AAMDC: variants seen among roughly 807,000 people sequenced by gnomAD.
AAMDC encodes mth938 domain-containing protein.
In AAMDC, 16 loss-of-function variants were observed where a neutral mutation model predicts 15.5. The observed-to-expected ratio is 1.03, with a 90% CI of 0.70 to 1.57. AAMDC has a LOEUF of 1.57. Among genes scored for constraint, AAMDC ranks in the 40% most tolerant of loss-of-function variants. The pLI is 0.00. For missense variants in AAMDC, 141 were observed against 144.9 expected (o/e 0.97, Z 0.14); for synonymous variants, 51 against 51.6 (o/e 0.99, Z 0.05).
At chr11:77,861,102 A>AT (rs1336792392) in intron 2 of AAMDC, among the ~76,000 whole-genome samples, 2 of 152,042 alleles carry the variant, frequency 1.3e-5, no homozygotes, top group African/African-American at 4.8e-5. Flanking sequence ...CAGTATGGGC[A>AT]TTTTTTGCTC....
intron 5 of AAMDC, among the ~76,000 whole-genome samples, chr11:77,887,297 T>C (rs1374468991): frequency 6.6e-6 from 1 of 152,188 alleles, no homozygotes; most frequent in African/African-American, 2.4e-5. Context: ...TAATCCATCA[T>C]ATAAACAGAA....
chr11:77,839,737 C>T (rs986479158), intron 1 of AAMDC, among the ~76,000 whole-genome samples: 3 of 152,098 alleles, frequency 2.0e-5, no homozygotes, highest in African/African-American at 7.2e-5. Flanking sequence ...CTGAACAGCA[C>T]ATGTTCTCAC....
At chr11:77,898,253 T>C (rs1197801471) in intron 5 of AAMDC, among the ~76,000 whole-genome samples, 2 of 152,132 alleles carry the variant, frequency 1.3e-5, no homozygotes, top group Non-Finnish European at 2.9e-5. Context: ...AACCTCTGCC[T>C]CCTGGGTTCA....
chr11:77,887,355 T>A (rs1221979793), intron 5 of AAMDC, among the ~76,000 whole-genome samples: 1 of 152,212 alleles, frequency 6.6e-6, no homozygotes, highest in Non-Finnish European at 1.5e-5. Context: ...AGAAAAGGCC[T>A]TTGACAAAAT....
intron 1 of AAMDC, among the ~76,000 whole-genome samples, chr11:77,837,961 T>G (rs999031053): frequency 3.3e-5 from 5 of 152,188 alleles, no homozygotes; most frequent in Non-Finnish European, 7.3e-5. Flanking sequence ...TAGTTCCAGC[T>G]AGGAACTAGC....
At chr11:77,872,371 A>G, downstream of AAMDC, 1 of 1,544,806 alleles carries the variant, frequency 6.5e-7, no homozygotes. Flanking sequence ...ACTGTCACTC[A>G]CCATTCTCCA....
chr11:77,846,094 G>A (rs1380165259), intron 2 of AAMDC, among the ~76,000 whole-genome samples: 4 of 151,684 alleles, frequency 2.6e-5, no homozygotes, highest in Admixed American at 1.3e-4. Context: ...AGGGTTTGTT[G>A]TTGCTATTTT....
chr11:77,848,505 C>T (rs191163578), intron 2 of AAMDC, among the ~76,000 whole-genome samples: 1 of 151,926 alleles, frequency 6.6e-6, no homozygotes. Context: ...TTACAGGCAC[C>T]CACCACCTCA....
downstream of AAMDC, chr11:77,901,439 G>A (rs750198621): frequency 1.9e-6 from 3 of 1,613,934 alleles, no homozygotes; most frequent in South Asian, 2.2e-5. Flanking sequence ...AGTTCGTGCT[G>A]TTACTATAAG....
At chr11:77,823,033 G>A (rs2136017647) in intron 1 of AAMDC, among the ~76,000 whole-genome samples, 1 of 152,122 alleles carries the variant, frequency 6.6e-6, no homozygotes, top group Admixed American at 6.5e-5. Flanking sequence ...GGCTAACGCG[G>A]TGAAACCCGT....
chr11:77,863,369 C>T (rs965901648), intron 2 of AAMDC, among the ~76,000 whole-genome samples: 4 of 151,994 alleles, frequency 2.6e-5, no homozygotes, highest in Non-Finnish European at 4.4e-5. Flanking sequence ...GGACGGTGAG[C>T]GAAAACTCAG....
At position 77,833,702 on chromosome 11, in the gene AAMDC, A is replaced by T. The variant is rs1949557271; in HGVS notation, c.-18-8777A>T. ...ATCCCCTTGTACTTCATTTGTACCT[A>T]TTAGAATGTTTATCAATACCTAACA... On this transcript the variant is annotated intron_variant, in intron 1 of 3. Coordinates refer to ENST00000393427, the MANE Select transcript of AAMDC (RefSeq NM_024684.4). Among the ~76,000 whole-genome samples, 4 of 152,300 alleles carry T rather than the reference A, an allele frequency of 2.6e-5. No individual in the cohort carries two copies. In the South Asian group the frequency reaches 8.3e-4, roughly 32 times the overall value.
chr11:77,858,302 C>CTTTTTTTT lies in AAMDC; in HGVS notation c.133-11402_133-11395dup, dbSNP rs71473358. On this transcript the variant is annotated intron_variant, in intron 2 of 3. Transcript: ENST00000393427. ...CTCCACCTCCTGCGTTTAAGCAATTCTTTTTTTTTTTTTTTTTTTTTTTTT... is the reference window on the plus strand; with the variant it reads ...CTCCACCTCCTGCGTTTAAGCAATTCTTTTTTTTTTTTTTTTTTTTTTTTTTTTTTTTT... Among the ~76,000 whole-genome samples the CTTTTTTTT allele has an allele frequency of 2.3e-3, 157 of 69,340 alleles. 2 individuals carry two copies. Among genetic ancestry groups the CTTTTTTTT allele is most frequent in the Admixed American group, 3.1e-3 (14 of 4,482 alleles). The allele number at this position is 69,340 out of a possible 152,430, so 45.5% of individuals were successfully genotyped here. A position where few individuals can be genotyped will look rare whatever the true frequency, so the allele number is the denominator to read the frequency against.
chr11:77,901,612 T>C (rs1320418839), downstream of AAMDC: 2 of 1,302,988 alleles, frequency 1.5e-6, no homozygotes, highest in Non-Finnish European at 1.1e-6. Context: ...GAGAGCAGCA[T>C]AGAATTCTAC....
intron 5 of AAMDC, among the ~76,000 whole-genome samples, chr11:77,882,385 G>A (rs1301455665): frequency 1.1e-5 from 1 of 93,772 alleles, no homozygotes; most frequent in African/African-American, 5.7e-5. Flanking sequence ...CTTGCTGTGT[G>A]ACCAGGGACA....
Position 77,886,212 on chromosome 11 carries a change from G to GA in AAMDC, c.328+9173dup, listed in dbSNP as rs576019396. On this transcript the variant is annotated intron_variant, in intron 5 of 5. Transcript: ENST00000304716. Reference sequence around the variant, plus strand: ...GACAGAGACCTTGTCTCAAAAAAAAGAAAAAAAAAATTCCCAGCATTCTCA... The same window carrying GA: ...GACAGAGACCTTGTCTCAAAAAAAAGAAAAAAAAAAATTCCCAGCATTCTCA... Among the ~76,000 whole-genome samples the GA allele has an allele frequency of 4.0e-5, 6 of 149,150 alleles. No homozygotes were observed. The East Asian group carries it at 5.9e-4, about 15-fold the overall frequency.
At chr11:77,834,984 A>T (rs540955806) in intron 1 of AAMDC, among the ~76,000 whole-genome samples, 21 of 152,268 alleles carry the variant, frequency 1.4e-4, no homozygotes, top group African/African-American at 3.4e-4. Flanking sequence ...ATATTTTTAT[A>T]AAAAAAGTAA....
At chr11:77,876,793 T>C (rs1018583114), downstream of AAMDC, among the ~76,000 whole-genome samples, 2 of 152,226 alleles carry the variant, frequency 1.3e-5, no homozygotes, top group Non-Finnish European at 2.9e-5. Context: ...TCAAAGCCTC[T>C]GTTTCCTTAC....
intron 5 of AAMDC, among the ~76,000 whole-genome samples, chr11:77,878,134 G>A (rs1362114336): frequency 3.9e-5 from 6 of 152,096 alleles, no homozygotes; most frequent in African/African-American, 7.2e-5. Context: ...AGGCCAAGGT[G>A]GGCAGATCAC....
Sources: gnomAD v4.1 joint callset for allele counts (sites outside exome capture counted in the v4.1 genomes callset) on GRCh38, gnomAD v4.1.1 for gene constraint, MANE v1.5 for transcripts, NCBI Gene and HGNC (gene_info 2026-07-23, HGNC 2026-07-21) for gene names.